The following SHCBP1 variants were observed in gnomAD, a reference collection of about 807,000 sequenced individuals.
SHCBP1 encodes the protein SHC SH2 domain-binding protein 1.
Under a neutral mutation model 75.1 loss-of-function variants are expected in SHCBP1, and 60 were observed. The ratio of observed to expected loss-of-function variants is 0.80; its 90% confidence interval spans 0.65 to 0.99. SHCBP1 has a LOEUF of 0.99. Ranked by LOEUF, SHCBP1 falls within the 50% of genes least tolerant of loss-of-function variation. The probability of loss-of-function intolerance (pLI) is 0.00; values close to 1 mark genes in which losing one functional copy is unlikely to be tolerated. For synonymous variants in SHCBP1, 290 were observed against 293.2 expected, an observed-to-expected ratio of 0.99 and a Z score of 0.11; for missense variants, 709 against 809.4, an observed-to-expected ratio of 0.88 and a Z score of 1.50.
intron 2 of SHCBP1, 74 bp from the exon 3 acceptor site, chr16:46,617,823 G>C: frequency 8.9e-7 from 1 of 1,128,358 alleles, no homozygotes; most frequent in Non-Finnish European, 1.3e-6. Flanking sequence ...CACTTTCTCA[G>C]AAACAACTGG....
chr16:46,599,019 G>T (rs1191335703), intron 9 of SHCBP1, among the ~76,000 whole-genome samples: 1 of 152,190 alleles, frequency 6.6e-6, no homozygotes, highest in Admixed American at 6.5e-5. Flanking sequence ...TTAGGGTTCT[G>T]CTCTGCAATA....
At chr16:46,587,558 T>C (rs1038822758) in intron 10 of SHCBP1, among the ~76,000 whole-genome samples, 1 of 152,040 alleles carries the variant, frequency 6.6e-6, no homozygotes, top group African/African-American at 2.4e-5. Flanking sequence ...ATTAAAACAA[T>C]AGAAAAAGAC....
Position 46,599,924 on chromosome 16 carries a change from C to A in SHCBP1, c.1252G>T (p.Gly418Cys). Residue 418 changes from glycine to cysteine, a missense_variant, in exon 9 of 13, where the codon GGC becomes TGC. By Grantham distance (159) the Gly-to-Cys change is radical (BLOSUM62 -3). Coordinates refer to ENST00000303383, the MANE Select transcript of SHCBP1 (RefSeq NM_024745.5). ...LPDDIVIEKR[G>C]KGDTFVDCTG... ...CAGTCCACAAAAGTGTCGCCTTTGC[C>A]CCTCTTTTCTATCACAATGTCATCT... 6.2e-7 allele frequency: 1 copy of A among 1,613,358 alleles called. No homozygotes were observed. Among genetic ancestry groups the A allele is most frequent in the East Asian group, 2.2e-5 (1 of 44,832 alleles).
chr16:46,583,629 G>T lies in SHCBP1; in HGVS notation c.1580C>A (p.Pro527His). The change falls in exon 12 of 13, where the codon CCC (proline) becomes CAC (histidine). Residue 527 changes from proline to histidine, a missense_variant. Coordinates refer to ENST00000303383, the MANE Select transcript of SHCBP1 (RefSeq NM_024745.5). Reference protein sequence around the residue: ...KDFLDEHYDIPKISMVNNIIH... With the variant: ...KDFLDEHYDIHKISMVNNIIH... ...TATATTATTCACCATGGATATCTTG[G>T]GAATGTCATAATGTTCATCTAAGAA... 6.2e-7 allele frequency: 1 copy of T among 1,606,076 alleles called. No homozygotes were observed. The highest frequency in any genetic ancestry group is 8.5e-7 in the Non-Finnish European group (1 of 1,178,330).
rs1964855682 is a variant in SHCBP1, at chr16:46,580,647, TATG to T, written c.*1079_*1081del. 6.6e-6 allele frequency: 1 copy of T among 152,174 alleles called. No homozygotes were observed. The highest frequency in any genetic ancestry group is 2.4e-5 in the African/African-American group (1 of 41,448). 9.4% of individuals were successfully genotyped at this position (152,174 alleles called of 1,614,324 possible). On this transcript the variant is annotated 3_prime_UTR_variant, in exon 13 of 13. Coordinates refer to ENST00000303383, the MANE Select transcript of SHCBP1 (RefSeq NM_024745.5). The stretch of plus-strand genomic sequence containing the variant: ...AAATATTTTTAAAGCTGTTTTACAA[TATG>T]ATAACAAGAACACCCAGCAGATACA...
intron 4 of SHCBP1, among the ~76,000 whole-genome samples, chr16:46,610,358 C>T (rs1965390343): frequency 6.6e-6 from 1 of 151,918 alleles, no homozygotes. Flanking sequence ...TAATTGTCTC[C>T]TGCTGCTCTT....
rs754485873 is a variant in SHCBP1 at position 46,599,877 on chromosome 16, G to A, written c.1299C>T (p.Ile433=). 2 of 1,612,060 alleles carry A rather than the reference G, an allele frequency of 1.2e-6. No homozygotes were observed. The highest frequency in any genetic ancestry group is 1.7e-5 in the Admixed American group (1 of 59,466). Residue 433 remains isoleucine, a synonymous_variant, in exon 9 of 13, where the codon ATC becomes ATT. Coordinates refer to ENST00000303383, the MANE Select transcript of SHCBP1 (RefSeq NM_024745.5). ...FVDCTGADIK[I]SGIKFVQHDA... is the part of the protein sequence containing the mutation. ...CATGCTGAACAAATTTTATGCCTGA[G>A]ATTTTAATATCAGCACCAGTGCAGT... is the stretch of plus-strand genomic sequence containing the variant.
intron 9 of SHCBP1, among the ~76,000 whole-genome samples, chr16:46,597,322 C>A (rs1965159943): frequency 6.6e-6 from 1 of 152,060 alleles, no homozygotes; most frequent in Non-Finnish European, 1.5e-5. Flanking sequence ...GGCAGAATTG[C>A]TTGAGCCCAG....
At chr16:46,603,771 A>G (rs1479586462) in intron 7 of SHCBP1, 112 bp from the exon 8 acceptor site, 21 of 1,428,188 alleles carry the variant, frequency 1.5e-5, no homozygotes, top group Non-Finnish European at 2.0e-5. Flanking sequence ...AAAACTGCAT[A>G]TTGAAGCATC....
chr16:46,592,950 T>TAAAAAA (rs1567444433), intron 10 of SHCBP1, among the ~76,000 whole-genome samples: 1 of 1,442 alleles, frequency 6.9e-4, no homozygotes, highest in African/African-American at 2.3e-3. Flanking sequence ...ATAAAAATTC[T>TAAAAAA]CAAAAAAAAA....
rs1285415077 is a variant in SHCBP1 at position 46,580,224 on chromosome 16, T to A, written c.*1505A>T. ...AAAATTAAAAAAAAGAATAAAAGGT[T>A]TTAATATCAACATTTGGCTGAAACT... is the stretch of plus-strand genomic sequence containing the variant. On this transcript the variant is annotated 3_prime_UTR_variant, in exon 13 of 13. Coordinates refer to ENST00000303383, the MANE Select transcript of SHCBP1 (RefSeq NM_024745.5). Among the ~76,000 whole-genome samples, 1 of 151,978 alleles carries A rather than the reference T, an allele frequency of 6.6e-6. No individual in the cohort carries two copies. The highest frequency in any genetic ancestry group is 1.5e-5 in the Non-Finnish European group (1 of 67,990).
Position 46,603,808 on chromosome 16 carries a change from C to T in SHCBP1, c.1093-149G>A, listed in dbSNP as rs1965280988. ...CCTTTGATAGCGCACTGACCTAACA[C>T]ATGCCTGGTAAGTGACTACTGCTGA... On this transcript the variant is annotated intron_variant, in intron 7 of 12. Transcript: ENST00000303383. 3.1e-6 allele frequency: 4 copies of T among 1,280,796 alleles called. No homozygotes were observed. In the Admixed American group the frequency reaches 7.0e-5, roughly 22 times the overall value. The allele number at this position is 1,280,796 out of a possible 1,614,324, so 79.3% of individuals were successfully genotyped here.
In SHCBP1 at chr16:46,580,746, C is replaced by T. The variant is rs1964857305; in HGVS notation, c.*983G>A. The T allele has an allele frequency of 6.9e-6, 1 of 144,750 alleles. No homozygotes were observed. The allele number at this position is 144,750 out of a possible 1,614,324, so 9.0% of individuals were successfully genotyped here. ...ATACTGTAACGGTAAGAGAAAAATA[C>T]TTTTTTTTTTTTTTGAGACTGGGTC... On this transcript the variant is annotated 3_prime_UTR_variant, in exon 13 of 13. Transcript: ENST00000303383.
At position 46,595,634 on chromosome 16, in the gene SHCBP1, A is replaced by ACACAGTTTTCCAGCGTAGTCTTAC; in HGVS notation, c.1358_1381dup (p.Gly453_Cys460dup). ...GACTCCGGTCGTCTCACACTGCAGC[A>ACACAGTTTTCCAGCGTAGTCTTAC]CACAGTTTTCCAGCGTAGTCTTACC... On this transcript the variant is annotated inframe_insertion, in exon 10 of 13. Transcript: ENST00000303383. 1 of 1,614,154 alleles carries ACACAGTTTTCCAGCGTAGTCTTAC rather than the reference A, an allele frequency of 6.2e-7. No individual in the cohort carries two copies. The highest frequency in any genetic ancestry group is 8.5e-7 in the Non-Finnish European group (1 of 1,180,004).
intron 5 of SHCBP1, among the ~76,000 whole-genome samples, chr16:46,606,680 T>G (rs17728559): frequency 0.046 from 6,976 of 152,316 alleles, 237 homozygotes; most frequent in Non-Finnish European, 0.074. Context: ...TTTTGGGATT[T>G]TATTGAATAT....
intron 9 of SHCBP1, among the ~76,000 whole-genome samples, chr16:46,596,218 T>A (rs1038898214): frequency 2.0e-5 from 3 of 151,988 alleles, no homozygotes; most frequent in Non-Finnish European, 4.4e-5. Context: ...AAAAAATAAT[T>A]TTCTAGGCCG....
intron 1 of SHCBP1, 142 bp downstream of exon 1, chr16:46,621,115 T>C (rs1436252833): frequency 4.4e-6 from 3 of 683,538 alleles, no homozygotes; most frequent in East Asian, 6.2e-5. Flanking sequence ...GTCCCGTCAC[T>C]GGGTCCCGGC....
chr16:46,592,434 T>C (rs577598541), intron 10 of SHCBP1, among the ~76,000 whole-genome samples: 7 of 152,276 alleles, frequency 4.6e-5, no homozygotes, highest in African/African-American at 1.7e-4. Context: ...CTTTTAACTA[T>C]TAATGAAATT....
intron 9 of SHCBP1, among the ~76,000 whole-genome samples, chr16:46,596,377 G>A (rs1965142350): frequency 6.6e-6 from 1 of 151,638 alleles, no homozygotes; most frequent in African/African-American, 2.4e-5. Context: ...CGTGGTGGTG[G>A]GCACCTGTAA....
Sources: allele counts gnomAD v4.1 joint callset (sites outside exome capture counted in the v4.1 genomes callset), GRCh38; gene constraint gnomAD v4.1.1; transcripts MANE v1.5; gene names NCBI Gene and HGNC (gene_info 2026-07-23, HGNC 2026-07-21).